HHAT: variants seen among roughly 807,000 people sequenced by gnomAD.
HHAT encodes protein-cysteine N-palmitoyltransferase HHAT.
Under a neutral mutation model 70.8 loss-of-function variants are expected in HHAT, and 47 were observed. The observed-to-expected ratio is 0.66, with a 90% CI of 0.53 to 0.85. HHAT has a LOEUF of 0.85. Among genes scored for constraint, HHAT ranks in the 40% least tolerant of loss-of-function variants. The probability of loss-of-function intolerance (pLI) is 0.00; values close to 1 mark genes in which losing one functional copy is unlikely to be tolerated. For missense variants in HHAT, 609 were observed against 604.8 expected, an observed-to-expected ratio of 1.01 and a Z score of -0.07; for synonymous variants, 228 against 247.6, an observed-to-expected ratio of 0.92 and a Z score of 0.74.
In HHAT at chr1:210,558,809, G is replaced by C. The variant is rs149458866; in HGVS notation, c.1044-29089G>C. 5.9e-3 allele frequency among the ~76,000 whole-genome samples: 898 copies of C among 152,294 alleles called. 14 individuals carry two copies. Among genetic ancestry groups the C allele is most frequent in the South Asian group, 0.021 (103 of 4,828 alleles). On this transcript the variant is annotated intron_variant, in intron 9 of 11. Transcript: ENST00000261458. ...CTTGAGGCCAGGCATGCATGGGTTG[G>C]GGTCATGTGGCTGGGATGATGGGGC...
At position 210,497,809 on chromosome 1, in the gene HHAT, A is replaced by G. The variant is rs570945030; in HGVS notation, c.1008-15344A>G. ...GAGACAGAGTCTGGCTCTGTTGCCC[A>G]GGCTGGAGTGCAGTGGCGCAATCTT... is the stretch of plus-strand genomic sequence containing the variant. On this transcript the variant is annotated intron_variant, in intron 8 of 11. Coordinates refer to ENST00000261458, the MANE Select transcript of HHAT (RefSeq NM_018194.6). Among the ~76,000 whole-genome samples the G allele has an allele frequency of 1.5e-3, 227 of 148,202 alleles. 1 individual carries two copies. Among genetic ancestry groups the G allele is most frequent in the African/African-American group, 5.3e-3 (212 of 39,892 alleles).
chr1:210,641,883 C>T (rs182813098), intron 11 of HHAT, among the ~76,000 whole-genome samples: 1 of 152,198 alleles, frequency 6.6e-6, no homozygotes, highest in African/African-American at 2.4e-5. Flanking sequence ...AAGCTGCAAC[C>T]CTTCTTACAC....
Position 210,404,548 on chromosome 1 carries a change from C to G in HHAT, c.553C>G (p.Leu185Val), listed in dbSNP as rs755225544. Residue 185 changes from leucine to valine, a missense_variant, in exon 6 of 12, where the codon CTG becomes GTG. Leu to Val is a conservative substitution (Grantham distance 32, BLOSUM62 1). Coordinates refer to ENST00000261458, the MANE Select transcript of HHAT (RefSeq NM_018194.6). ...CTGCCTGTACTACACCAGCTTCAGC[C>G]TGGAGCTCTGCTGGCAGCAGCTGCC... is the stretch of plus-strand genomic sequence containing the variant. ...VRCLYYTSFS[L>V]ELCWQQLPAA... is the part of the protein sequence containing the mutation. 7 of 1,613,982 alleles carry G rather than the reference C, an allele frequency of 4.3e-6. No individual in the cohort carries two copies. The South Asian group carries it at 7.7e-5, about 18-fold the overall frequency.
rs114082319 is a variant in HHAT at position 210,476,460 on chromosome 1, G to A, written c.1007+11805G>A. ...ATTCTTTAGCATGGTGTATAAGCCT[G>A]GCTCCAACCTTCTATTAGAAATTCC... is the stretch of plus-strand genomic sequence containing the variant. On this transcript the variant is annotated intron_variant, in intron 8 of 11. Coordinates refer to ENST00000261458, the MANE Select transcript of HHAT (RefSeq NM_018194.6). 7.3e-3 allele frequency among the ~76,000 whole-genome samples: 1,119 copies of A among 152,294 alleles called. 14 individuals are homozygous for A. Among genetic ancestry groups the A allele is most frequent in the African/African-American group, 0.025 (1,054 of 41,550 alleles).
At chr1:210,339,640 G>A (rs1194481763) in intron 1 of HHAT, among the ~76,000 whole-genome samples, 2 of 152,122 alleles carry the variant, frequency 1.3e-5, no homozygotes, top group Admixed American at 1.3e-4. Flanking sequence ...GTGAGCTGGC[G>A]CCAAATGCCA....
chr1:210,520,468 G>T (rs2095139382), intron 9 of HHAT, among the ~76,000 whole-genome samples: 1 of 151,808 alleles, frequency 6.6e-6, no homozygotes, highest in South Asian at 2.1e-4. Flanking sequence ...CTCTGGTTTG[G>T]TGGTTTTCTG....
At chr1:210,658,135 C>T (rs139817326) in intron 11 of HHAT, among the ~76,000 whole-genome samples, 1 of 152,264 alleles carries the variant, frequency 6.6e-6, no homozygotes, top group African/African-American at 2.4e-5. Context: ...CATAGGCTCT[C>T]AGACCGGGTT....
chr1:210,378,412 A>G (rs112875530), intron 3 of HHAT, among the ~76,000 whole-genome samples: 81 of 152,366 alleles, frequency 5.3e-4, no homozygotes, highest in African/African-American at 1.9e-3. Context: ...TATTTTTACA[A>G]CTTGCTAGAT....
At chr1:210,568,039 A>G (rs1433705700) in intron 9 of HHAT, among the ~76,000 whole-genome samples, 2 of 152,216 alleles carry the variant, frequency 1.3e-5, no homozygotes, top group Admixed American at 6.5e-5. Flanking sequence ...GAGGCTCATC[A>G]CTAGAAAGAC....
intron 11 of HHAT, among the ~76,000 whole-genome samples, chr1:210,656,714 CA>C (rs1676499231): frequency 6.6e-6 from 1 of 152,138 alleles, no homozygotes; most frequent in African/African-American, 2.4e-5. Context: ...CTGCCCTGAA[CA>C]GTGATATAAG....
chr1:210,508,091 C>T (rs1216945242), intron 8 of HHAT, among the ~76,000 whole-genome samples: 3 of 149,730 alleles, frequency 2.0e-5, no homozygotes, highest in African/African-American at 4.9e-5. Flanking sequence ...CTCAGCTGCT[C>T]GGGAGGCTGA....
At chr1:210,342,773 T>A (rs569298339) in intron 1 of HHAT, among the ~76,000 whole-genome samples, 2 of 152,310 alleles carry the variant, frequency 1.3e-5, no homozygotes, top group East Asian at 1.9e-4. Context: ...TTGGTAATTT[T>A]GTGAGAGAGT....
At chr1:210,404,802 A>G (rs1037624106) in intron 6 of HHAT, 123 bp downstream of exon 6, 1 of 663,646 alleles carries the variant, frequency 1.5e-6, no homozygotes, top group South Asian at 1.9e-5. Flanking sequence ...AACACATACT[A>G]TTAGTTCTCA....
Position 210,671,343 on chromosome 1 carries a change from T to G in HHAT, c.1391-2945T>G, listed in dbSNP as rs59399121. On this transcript the variant is annotated intron_variant, in intron 11 of 11. Transcript: ENST00000261458. The stretch of plus-strand genomic sequence containing the variant: ...GAGGAGCAGGTGTTGGCCGGTCCCC[T>G]GGCATCTGTGCCTGAGCCACAGTAA... Among the ~76,000 whole-genome samples the G allele has an allele frequency of 2.1e-3, 323 of 152,300 alleles. 2 individuals carry two copies. Among genetic ancestry groups the G allele is most frequent in the Middle Eastern group, 6.8e-3 (2 of 294 alleles).
At chr1:210,529,574 G>T (rs1181313264) in intron 9 of HHAT, among the ~76,000 whole-genome samples, 2 of 152,212 alleles carry the variant, frequency 1.3e-5, no homozygotes, top group East Asian at 3.9e-4. Context: ...CACTCTCTGG[G>T]CCTCCCTTGC....
chr1:210,660,530 C>T (rs571809445), intron 11 of HHAT, among the ~76,000 whole-genome samples: 2 of 152,246 alleles, frequency 1.3e-5, no homozygotes, highest in South Asian at 4.1e-4. Context: ...CATCAAGGTA[C>T]CAATGACTTT....
intron 10 of HHAT, among the ~76,000 whole-genome samples, chr1:210,618,831 T>C (rs1264372765): frequency 2.0e-5 from 3 of 152,224 alleles, no homozygotes; most frequent in East Asian, 3.9e-4. Flanking sequence ...TGAGTTGCCA[T>C]GGAGATTTGA....
At chr1:210,608,410 A>T (rs865837848) in intron 10 of HHAT, among the ~76,000 whole-genome samples, 16 of 152,118 alleles carry the variant, frequency 1.1e-4, no homozygotes, top group African/African-American at 3.1e-4. Context: ...TTGGCTATCT[A>T]TTCTGTTGCG....
At chr1:210,339,473 A>G (rs368406518) in intron 1 of HHAT, among the ~76,000 whole-genome samples, 3 of 152,114 alleles carry the variant, frequency 2.0e-5, no homozygotes, top group Non-Finnish European at 2.9e-5. Context: ...GCTTTGACCA[A>G]TAATGTGTTC....
Sources: gnomAD v4.1 joint callset for allele counts (sites outside exome capture counted in the v4.1 genomes callset) on GRCh38, gnomAD v4.1.1 for gene constraint, MANE v1.5 for transcripts, NCBI Gene and HGNC (gene_info 2026-07-23, HGNC 2026-07-21) for gene names.